Variants in LRRIQ1 observed in about 807,000 individuals in gnomAD.
LRRIQ1 encodes leucine rich repeats and IQ motif containing 1, also known as leucine-rich repeat- and IQ domain-containing protein 1.
Under a neutral mutation model 211.9 loss-of-function variants are expected in LRRIQ1, and 210 were observed. That is an observed-to-expected ratio of 0.99 (90% CI 0.89 to 1.11). LRRIQ1 has a LOEUF of 1.11. Among genes scored for constraint, LRRIQ1 ranks in the 50% most tolerant of loss-of-function variants. The pLI, the probability that LRRIQ1 is intolerant of heterozygous loss-of-function variation, is 0.00. For synonymous variants in LRRIQ1, 699 were observed against 650.1 expected (o/e 1.08, Z -1.14); for missense variants, 2,136 against 1,939.5 (o/e 1.10, Z -1.90).
chr12:85,163,261 A>G (rs1391984479), intron 24 of LRRIQ1, among the ~76,000 whole-genome samples: 7 of 152,224 alleles, frequency 4.6e-5, no homozygotes, highest in African/African-American at 1.7e-4. Flanking sequence ...TTACATAACC[A>G]TCACCAAATC....
chr12:85,074,432 C>A (rs1883422584), intron 11 of LRRIQ1, among the ~76,000 whole-genome samples: 1 of 151,820 alleles, frequency 6.6e-6, no homozygotes, highest in Non-Finnish European at 1.5e-5. Flanking sequence ...AAGATTTATC[C>A]TTTGTTTCTA....
chr12:85,265,742 A>G (rs973526245), downstream of LRRIQ1, among the ~76,000 whole-genome samples: 2 of 152,002 alleles, frequency 1.3e-5, no homozygotes, highest in Admixed American at 1.3e-4. Flanking sequence ...CAATAATGTT[A>G]TATTAATTAA....
chr12:85,231,835 G>C (rs1397718415), intron 25 of LRRIQ1, among the ~76,000 whole-genome samples: 1 of 152,084 alleles, frequency 6.6e-6, no homozygotes, highest in Non-Finnish European at 1.5e-5. Context: ...CTCTCCACTA[G>C]TTTCCAGCAC....
intron 11 of LRRIQ1, among the ~76,000 whole-genome samples, chr12:85,097,576 A>G (rs1885998854): frequency 6.6e-6 from 1 of 152,166 alleles, no homozygotes; most frequent in Admixed American, 6.5e-5. Flanking sequence ...TGTCCCTACA[A>G]AGGACATGAA....
At chr12:85,219,003 T>A (rs1451249624) in intron 24 of LRRIQ1, among the ~76,000 whole-genome samples, 1 of 152,118 alleles carries the variant, frequency 6.6e-6, no homozygotes, top group Non-Finnish European at 1.5e-5. Context: ...GAGGTTTTTT[T>A]GCACTTTCTT....
At chr12:85,098,600 G>C (rs2136278913) in intron 12 of LRRIQ1, 52 bp downstream of exon 12, 2 of 1,426,478 alleles carry the variant, frequency 1.4e-6, no homozygotes, top group South Asian at 1.3e-5. Flanking sequence ...CTTTTCTTTT[G>C]ATAGAAATAC....
At chr12:85,219,398 T>A (rs1894296958) in intron 24 of LRRIQ1, among the ~76,000 whole-genome samples, 2 of 152,138 alleles carry the variant, frequency 1.3e-5, no homozygotes, top group African/African-American at 4.8e-5. Context: ...AATCTAGTAA[T>A]TCCGTAATAT....
chr12:85,073,353 T>C (rs1378994188), intron 11 of LRRIQ1, among the ~76,000 whole-genome samples: 1 of 152,064 alleles, frequency 6.6e-6, no homozygotes, highest in Non-Finnish European at 1.5e-5. Flanking sequence ...TATGACTTCT[T>C]CCATATGGAA....
chr12:85,072,540 C>CT lies in LRRIQ1; in HGVS notation c.2696-356dup, dbSNP rs35694626. ...TGTTATTGATTTGTCGTTAATCAGC[C>CT]TTTTTTTTTTTGGTAAATCCTTTGG... On this transcript the variant is annotated intron_variant, in intron 10 of 26. Transcript: ENST00000393217. 3.4e-3 allele frequency among the ~76,000 whole-genome samples: 485 copies of CT among 141,402 alleles called. 1 individual carries two copies. Among genetic ancestry groups the CT allele is most frequent in the African/African-American group, 5.0e-3 (192 of 38,476 alleles). 92.8% of individuals were successfully genotyped at this position (141,402 alleles called of 152,430 possible). A position where few individuals can be genotyped will look rare whatever the true frequency, so the allele number is the denominator to read the frequency against.
chr12:85,206,815 C>A (rs1249309292), intron 24 of LRRIQ1, among the ~76,000 whole-genome samples: 1 of 152,002 alleles, frequency 6.6e-6, no homozygotes, highest in Admixed American at 6.5e-5. Context: ...CAGGGGAGGC[C>A]GGCAGACAGA....
chr12:85,117,480 T>C (rs1034354441), intron 15 of LRRIQ1, among the ~76,000 whole-genome samples: 1 of 152,198 alleles, frequency 6.6e-6, no homozygotes, highest in African/African-American at 2.4e-5. Context: ...GCTTTATTAA[T>C]TTTTCTTGTA....
At chr12:85,258,325 G>A (rs1263766824) in intron 1 of LRRIQ1, among the ~76,000 whole-genome samples, 1 of 151,732 alleles carries the variant, frequency 6.6e-6, no homozygotes, top group Admixed American at 6.6e-5. Context: ...AAGAATAAAT[G>A]TGTCATGGTT....
intron 2 of LRRIQ1, among the ~76,000 whole-genome samples, chr12:85,039,686 A>G (rs1268018756): frequency 6.6e-6 from 1 of 151,610 alleles, no homozygotes; most frequent in Non-Finnish European, 1.5e-5. Context: ...ATGGCAGACA[A>G]TATTTGTTTT....
intron 19 of LRRIQ1, among the ~76,000 whole-genome samples, chr12:85,138,196 A>G (rs1053606084): frequency 6.6e-6 from 1 of 151,490 alleles, no homozygotes; most frequent in Non-Finnish European, 1.5e-5. Context: ...CCCTTCAACC[A>G]TGTTCTCCAG....
intron 24 of LRRIQ1, among the ~76,000 whole-genome samples, chr12:85,165,057 A>G (rs1891083160): frequency 6.6e-6 from 1 of 152,116 alleles, no homozygotes; most frequent in Admixed American, 6.5e-5. Flanking sequence ...ATCTTGGATA[A>G]TGTTATTATT....
At chr12:85,045,847 A>T in intron 4 of LRRIQ1, among the ~76,000 whole-genome samples, 173 bp from the exon 5 acceptor site, 1 of 152,066 alleles carries the variant, frequency 6.6e-6, no homozygotes, top group South Asian at 2.1e-4. Context: ...AAAATTTTTT[A>T]TTCATTGTAA....
chr12:85,151,545 T>G (rs893250298), intron 19 of LRRIQ1, among the ~76,000 whole-genome samples: 1 of 151,724 alleles, frequency 6.6e-6, no homozygotes, highest in African/African-American at 2.4e-5. Context: ...AGCCATATTA[T>G]ATATTCAATC....
At position 85,056,521 on chromosome 12, in the gene LRRIQ1, A is replaced by G. The variant is rs779248386; in HGVS notation, c.1728A>G (p.Lys576=). 9.9e-6 allele frequency: 16 copies of G among 1,611,894 alleles called. No homozygotes were observed. The highest frequency in any genetic ancestry group is 1.6e-4 in the Middle Eastern group (1 of 6,068). Reference sequence around the variant, plus strand: ...CCAATGAAGAGCAGAAAATAATCAAAGATAATCAGCAGAAAAAGATACAAA... The same window carrying G: ...CCAATGAAGAGCAGAAAATAATCAAGGATAATCAGCAGAAAAAGATACAAA... The part of the protein sequence containing the change: ...VKTNEEQKII[K]DNQQKKIQKV... Residue 576 remains lysine (K), a synonymous_variant, in exon 8 of 27, where the codon AAA becomes AAG. Transcript: ENST00000393217.
chr12:85,092,371 A>G (rs993147164), intron 11 of LRRIQ1, among the ~76,000 whole-genome samples: 1 of 152,022 alleles, frequency 6.6e-6, no homozygotes, highest in Admixed American at 6.6e-5. Flanking sequence ...ATTTCCATCC[A>G]CACCTCTTTC....
Sources: allele counts gnomAD v4.1 joint callset (sites outside exome capture counted in the v4.1 genomes callset), GRCh38; gene constraint gnomAD v4.1.1; transcripts MANE v1.5; gene names NCBI Gene and HGNC (gene_info 2026-07-23, HGNC 2026-07-21).